The following ZNF365 variants were observed in gnomAD, a reference collection of about 807,000 sequenced individuals.
ZNF365 encodes zinc finger protein 365, also known as protein ZNF365.
Under a neutral mutation model 35.0 loss-of-function variants are expected in ZNF365, and 22 were observed. That is an observed-to-expected ratio of 0.63 (90% CI 0.45 to 0.90). ZNF365 has a LOEUF of 0.90. Among genes scored for constraint, ZNF365 ranks in the 40% least tolerant of loss-of-function variants. The pLI, the probability that ZNF365 is intolerant of heterozygous loss-of-function variation, is 0.00. For missense variants in ZNF365, 448 were observed against 500.3 expected (o/e 0.90, Z 1.00); for synonymous variants, 188 against 196.2 (o/e 0.96, Z 0.35).
chr10:62,450,669 A>G (rs957538858), intron 3 of ZNF365, among the ~76,000 whole-genome samples: 2 of 152,214 alleles, frequency 1.3e-5, no homozygotes, highest in Non-Finnish European at 2.9e-5. Context: ...ACCAAGACAG[A>G]CAAAAACACC....
At chr10:62,384,282 G>T (rs1839489612) in intron 2 of ZNF365, among the ~76,000 whole-genome samples, 1 of 151,956 alleles carries the variant, frequency 6.6e-6, no homozygotes. Flanking sequence ...GAGTCACAGG[G>T]TTGAGAACCA....
At chr10:62,477,172 G>T (rs559568634) in intron 4 of ZNF365, among the ~76,000 whole-genome samples, 1 of 152,058 alleles carries the variant, frequency 6.6e-6, no homozygotes, top group Non-Finnish European at 1.5e-5. Flanking sequence ...ATTGCAAGTG[G>T]GTATATGAGG....
chr10:62,425,838 G>T (rs1364299608), intron 3 of ZNF365, among the ~76,000 whole-genome samples: 2 of 152,150 alleles, frequency 1.3e-5, no homozygotes, highest in African/African-American at 2.4e-5. Flanking sequence ...TGAAGGCAGG[G>T]AATATGGTGC....
At chr10:62,441,276 A>G (rs921737204) in intron 3 of ZNF365, among the ~76,000 whole-genome samples, 1 of 152,066 alleles carries the variant, frequency 6.6e-6, no homozygotes, top group African/African-American at 2.4e-5. Context: ...ACCATTCTAC[A>G]CCCATTGGCA....
intron 3 of ZNF365, among the ~76,000 whole-genome samples, chr10:62,409,918 A>T (rs193090042): frequency 6.6e-6 from 1 of 152,210 alleles, no homozygotes; most frequent in Non-Finnish European, 1.5e-5. Flanking sequence ...ATCAGGGCCA[A>T]TCCCATCTGA....
At chr10:62,422,697 A>G (rs1223306284) in intron 3 of ZNF365, among the ~76,000 whole-genome samples, 1 of 152,128 alleles carries the variant, frequency 6.6e-6, no homozygotes, top group African/African-American at 2.4e-5. Context: ...TTAATTCTCT[A>G]CTGGGCCCTA....
At chr10:62,476,139 C>T (rs1463091265) in intron 4 of ZNF365, among the ~76,000 whole-genome samples, 1 of 151,428 alleles carries the variant, frequency 6.6e-6, no homozygotes, top group Non-Finnish European at 1.5e-5. Flanking sequence ...GCCCAGGGAC[C>T]TACACCTACT....
intron 3 of ZNF365, among the ~76,000 whole-genome samples, chr10:62,437,664 G>A (rs535398356): frequency 3.5e-4 from 53 of 152,240 alleles, no homozygotes; most frequent in African/African-American, 8.7e-4. Flanking sequence ...ACACATATAC[G>A]TACGTGTGTG....
intron 3 of ZNF365, among the ~76,000 whole-genome samples, chr10:62,440,167 C>T (rs2132463983): frequency 1.4e-5 from 2 of 138,160 alleles, no homozygotes; most frequent in South Asian, 2.2e-4. Flanking sequence ...TTTATGAATG[C>T]ATAGTTTTAT....
chr10:62,386,425 AATT>A (rs1215390867), intron 2 of ZNF365, among the ~76,000 whole-genome samples: 1 of 152,164 alleles, frequency 6.6e-6, no homozygotes. Context: ...AAGATGATGG[AATT>A]ATTATGGAAT....
chr10:62,471,269 G>A (rs1484419169), intron 4 of ZNF365, among the ~76,000 whole-genome samples: 1 of 151,730 alleles, frequency 6.6e-6, no homozygotes, highest in Non-Finnish European at 1.5e-5. Context: ...AGGAGGCTGA[G>A]GCAGAAGAAT....
At chr10:62,413,874 G>C (rs189800341) in intron 3 of ZNF365, among the ~76,000 whole-genome samples, 2 of 152,020 alleles carry the variant, frequency 1.3e-5, no homozygotes, top group African/African-American at 4.8e-5. Flanking sequence ...TGTAAACAAC[G>C]TGAAACAGAA....
intron 3 of ZNF365, among the ~76,000 whole-genome samples, chr10:62,450,457 G>A (rs1370528146): frequency 6.6e-6 from 1 of 152,152 alleles, no homozygotes; most frequent in Non-Finnish European, 1.5e-5. Flanking sequence ...TTAATGCTCT[G>A]AGGTCATTGT....
chr10:62,474,542 G>T (rs1301509800), intron 4 of ZNF365, among the ~76,000 whole-genome samples: 1 of 152,114 alleles, frequency 6.6e-6, no homozygotes, highest in Non-Finnish European at 1.5e-5. Flanking sequence ...TTTCTCTCCA[G>T]TTCCTCTAAG....
At chr10:62,446,278 T>C (rs1421533481) in intron 3 of ZNF365, among the ~76,000 whole-genome samples, 2 of 152,116 alleles carry the variant, frequency 1.3e-5, no homozygotes, top group Non-Finnish European at 2.9e-5. Context: ...TTTCATGTCA[T>C]AGTAGTGAAA....
intron 3 of ZNF365, among the ~76,000 whole-genome samples, chr10:62,410,065 A>AT (rs553425225): frequency 1.3e-5 from 2 of 152,112 alleles, no homozygotes; most frequent in East Asian, 1.9e-4. Context: ...GGCACTATGT[A>AT]TTTTTTCAAC....
intron 4 of ZNF365, chr10:62,459,869 G>A (rs1840819458): frequency 7.1e-7 from 1 of 1,409,886 alleles, no homozygotes; most frequent in African/African-American, 1.4e-5. Context: ...GTCCATATGA[G>A]AGAGACTGGA....
chr10:62,452,703 T>G (rs1250740096), intron 3 of ZNF365, among the ~76,000 whole-genome samples: 1 of 152,282 alleles, frequency 6.6e-6, no homozygotes, highest in Non-Finnish European at 1.5e-5. Context: ...GCAATGGATC[T>G]CTTTAGATCA....
chr10:62,425,022 T>A (rs1840230821), intron 3 of ZNF365, among the ~76,000 whole-genome samples: 1 of 152,208 alleles, frequency 6.6e-6, no homozygotes, highest in Admixed American at 6.5e-5. Context: ...CCCTGCTCTG[T>A]CACCTTTAGA....
Sources: gnomAD v4.1 joint callset for allele counts (sites outside exome capture counted in the v4.1 genomes callset) on GRCh38, gnomAD v4.1.1 for gene constraint, MANE v1.5 for transcripts, NCBI Gene and HGNC (gene_info 2026-07-23, HGNC 2026-07-21) for gene names.